The following WWOX variants were observed in gnomAD, a reference collection of about 807,000 sequenced individuals.
WWOX encodes WW domain containing oxidoreductase, also known as WW domain-containing oxidoreductase.
In WWOX, 69 loss-of-function variants were observed where a neutral mutation model predicts 46.2. The ratio of observed to expected loss-of-function variants is 1.49; its 90% CI spans 1.23 to 1.82. WWOX has a LOEUF of 1.82. Ranked by LOEUF, WWOX falls within the 40% of genes most tolerant of loss-of-function variation. The pLI, the probability that WWOX is intolerant of heterozygous loss-of-function variation, is 0.00. For synonymous variants in WWOX, 359 were observed against 202.6 expected (o/e 1.77, Z -6.56); for missense variants, 919 against 542.6 (o/e 1.69, Z -6.89).
chr16:78,445,480 A>T (rs568166327), intron 8 of WWOX, among the ~76,000 whole-genome samples: 1 of 152,228 alleles, frequency 6.6e-6, no homozygotes, highest in Admixed American at 6.5e-5. Flanking sequence ...TTGGGAAGAC[A>T]GATGATAGGC....
intron 8 of WWOX, among the ~76,000 whole-genome samples, chr16:79,074,701 A>G (rs2048621511): frequency 6.6e-6 from 1 of 151,948 alleles, no homozygotes; most frequent in Non-Finnish European, 1.5e-5. Context: ...AGCATATGTT[A>G]TTTATCCTCT....
intron 8 of WWOX, among the ~76,000 whole-genome samples, chr16:78,607,673 A>G (rs1036203641): frequency 2.0e-5 from 3 of 146,970 alleles, no homozygotes; most frequent in Non-Finnish European, 4.5e-5. Flanking sequence ...GTCTACAGAG[A>G]AGGAGGATAT....
intron 8 of WWOX, among the ~76,000 whole-genome samples, chr16:78,933,824 C>T (rs547215716): frequency 6.6e-6 from 1 of 152,258 alleles, no homozygotes; most frequent in Admixed American, 6.5e-5. Context: ...CCTCCCACGA[C>T]ATTTGGGAAT....
chr16:78,493,985 G>T (rs926084070), intron 8 of WWOX, among the ~76,000 whole-genome samples: 4 of 152,172 alleles, frequency 2.6e-5, no homozygotes, highest in Non-Finnish European at 5.9e-5. Context: ...AGACATTCCT[G>T]AGACTGGGAA....
At chr16:78,565,935 T>A (rs1460818888) in intron 8 of WWOX, among the ~76,000 whole-genome samples, 1 of 125,194 alleles carries the variant, frequency 8.0e-6, no homozygotes, top group Non-Finnish European at 1.6e-5. Context: ...GGGCAGATAT[T>A]CATACAATGG....
chr16:78,835,017 A>C (rs552445583), intron 8 of WWOX, among the ~76,000 whole-genome samples: 1 of 152,022 alleles, frequency 6.6e-6, no homozygotes, highest in Admixed American at 6.6e-5. Context: ...TTTTTGTTCA[A>C]TTTCCACTCA....
chr16:79,033,654 C>G (rs972812184), intron 8 of WWOX, among the ~76,000 whole-genome samples: 1 of 152,116 alleles, frequency 6.6e-6, no homozygotes, highest in Non-Finnish European at 1.5e-5. Context: ...GACCATCCAT[C>G]TCCAGAATGA....
intron 5 of WWOX, among the ~76,000 whole-genome samples, chr16:78,191,487 C>G (rs894024916): frequency 2.6e-5 from 4 of 152,046 alleles, no homozygotes; most frequent in African/African-American, 9.7e-5. Flanking sequence ...ATGTATGGTC[C>G]CAACGTTTTA....
At chr16:78,993,413 C>T (rs184463447) in intron 8 of WWOX, among the ~76,000 whole-genome samples, 6 of 152,260 alleles carry the variant, frequency 3.9e-5, no homozygotes, top group Admixed American at 3.3e-4. Flanking sequence ...GACTCTGCCT[C>T]GCCTCTCCTC....
chr16:78,644,701 G>T (rs1215465501), intron 8 of WWOX, among the ~76,000 whole-genome samples: 1 of 152,190 alleles, frequency 6.6e-6, no homozygotes, highest in African/African-American at 2.4e-5. Flanking sequence ...GAACTCAAGT[G>T]ATCTGCCCGC....
chr16:78,870,073 G>C (rs1161488221), intron 8 of WWOX, among the ~76,000 whole-genome samples: 2 of 152,098 alleles, frequency 1.3e-5, no homozygotes, highest in East Asian at 3.9e-4. Context: ...TCAAAGTATT[G>C]GTCTGTCACC....
At chr16:78,301,836 T>C (rs1203897686) in intron 5 of WWOX, among the ~76,000 whole-genome samples, 1 of 152,148 alleles carries the variant, frequency 6.6e-6, no homozygotes, top group Admixed American at 6.5e-5. Context: ...ACTGAGCCTT[T>C]CTTCCACCTT....
intron 8 of WWOX, among the ~76,000 whole-genome samples, chr16:79,074,147 T>A (rs2150570831): frequency 6.6e-6 from 1 of 151,998 alleles, no homozygotes; most frequent in East Asian, 1.9e-4. Flanking sequence ...GCAGTTAGAG[T>A]TCGAGCAGGC....
chr16:78,846,508 T>A (rs898095394), intron 8 of WWOX, among the ~76,000 whole-genome samples: 1 of 152,178 alleles, frequency 6.6e-6, no homozygotes, highest in Non-Finnish European at 1.5e-5. Context: ...TGGGTTTGTC[T>A]GATGTGTTCT....
intron 5 of WWOX, among the ~76,000 whole-genome samples, chr16:78,325,724 C>A (rs559193503): frequency 6.6e-6 from 1 of 152,196 alleles, no homozygotes; most frequent in Non-Finnish European, 1.5e-5. Context: ...TTTCATGGGA[C>A]TGTAACCTGA....
At chr16:79,094,444 G>C (rs1474632959) in intron 8 of WWOX, among the ~76,000 whole-genome samples, 2 of 152,024 alleles carry the variant, frequency 1.3e-5, no homozygotes, top group South Asian at 4.2e-4. Flanking sequence ...TGGAGACTGG[G>C]TTTCACCATG....
intron 8 of WWOX, among the ~76,000 whole-genome samples, chr16:78,613,589 A>T (rs1023448909): frequency 1.3e-5 from 2 of 152,180 alleles, no homozygotes; most frequent in African/African-American, 4.8e-5. Flanking sequence ...CACTGGTTCA[A>T]CACACCTGAA....
chr16:78,958,246 T>G (rs1479359488), intron 8 of WWOX, among the ~76,000 whole-genome samples: 1 of 152,218 alleles, frequency 6.6e-6, no homozygotes, highest in Non-Finnish European at 1.5e-5. Flanking sequence ...GGTTCTTTAT[T>G]GAAATGGTCC....
chr16:78,106,659 G>T (rs57206085), intron 1 of WWOX, among the ~76,000 whole-genome samples: 1 of 152,002 alleles, frequency 6.6e-6, no homozygotes, highest in Non-Finnish European at 1.5e-5. Flanking sequence ...CAGGTAATCC[G>T]CCTGCCTTGC....
Sources: gnomAD v4.1 joint callset for allele counts (sites outside exome capture counted in the v4.1 genomes callset) on GRCh38, gnomAD v4.1.1 for gene constraint, MANE v1.5 for transcripts, NCBI Gene and HGNC (gene_info 2026-07-23, HGNC 2026-07-21) for gene names.